MACROD2: variants seen among roughly 807,000 people sequenced by gnomAD.
MACROD2 encodes ADP-ribose glycohydrolase MACROD2.
A neutral mutation model predicts 70.4 loss-of-function variants in MACROD2; 36 were observed. The observed-to-expected ratio is 0.51, with a 90% CI of 0.39 to 0.68. MACROD2 has a LOEUF of 0.68. Ranked by LOEUF, MACROD2 falls within the 30% of genes least tolerant of loss-of-function variation. MACROD2 has a pLI of 0.00. For synonymous variants in MACROD2, 172 were observed against 178.8 expected, an observed-to-expected ratio of 0.96 and a Z score of 0.30; for missense variants, 496 against 538.4, an observed-to-expected ratio of 0.92 and a Z score of 0.78.
chr20:15,894,007 T>G, intron 10 of MACROD2: 1 of 441,446 alleles, frequency 2.3e-6, no homozygotes, highest in Non-Finnish European at 4.5e-6. Context: ...GGTCTCGCTT[T>G]CCCATGCTCA....
intron 11 of MACROD2, among the ~76,000 whole-genome samples, chr20:15,936,997 C>T (rs890384261): frequency 1.3e-5 from 2 of 152,122 alleles, no homozygotes; most frequent in Non-Finnish European, 2.9e-5. Context: ...TCTTCCAGGC[C>T]TCTGTGCTGA....
At chr20:15,732,853 A>G (rs1199313799) in intron 8 of MACROD2, among the ~76,000 whole-genome samples, 1 of 151,694 alleles carries the variant, frequency 6.6e-6, no homozygotes, top group Non-Finnish European at 1.5e-5. Context: ...TCTGAAAGAG[A>G]TTGTAGACAA....
intron 3 of MACROD2, among the ~76,000 whole-genome samples, chr20:14,103,097 T>G (rs183535238): frequency 6.6e-6 from 1 of 151,808 alleles, no homozygotes; most frequent in South Asian, 2.1e-4. Flanking sequence ...TGATCTATAT[T>G]TTTTTTTTCT....
chr20:14,371,076 G>A (rs1348468671), intron 3 of MACROD2, among the ~76,000 whole-genome samples: 2 of 151,734 alleles, frequency 1.3e-5, no homozygotes, highest in Non-Finnish European at 2.9e-5. Flanking sequence ...TCCCTTTTAT[G>A]CCTTGTATTA....
chr20:15,774,323 C>T (rs962521328), intron 8 of MACROD2, among the ~76,000 whole-genome samples: 9 of 152,146 alleles, frequency 5.9e-5, no homozygotes, highest in African/African-American at 1.7e-4. Flanking sequence ...AAAATGCTCC[C>T]CTGTAGTGGG....
intron 5 of MACROD2, among the ~76,000 whole-genome samples, chr20:14,985,474 T>C (rs550784989): frequency 2.4e-4 from 36 of 152,132 alleles, no homozygotes; most frequent in Non-Finnish European, 4.9e-4. Context: ...GTGGGGTGTG[T>C]AGAGGAAGCT....
At chr20:14,093,834 G>A (rs1601215398) in intron 3 of MACROD2, among the ~76,000 whole-genome samples, 1 of 152,104 alleles carries the variant, frequency 6.6e-6, no homozygotes, top group African/African-American at 2.4e-5. Context: ...AGGTGCCATG[G>A]GCAAATAGAG....
intron 8 of MACROD2, among the ~76,000 whole-genome samples, chr20:15,663,232 A>ATTTTTTTTTTTTTTTTTTTTTTTTTTT (rs34234600): frequency 7.7e-6 from 1 of 129,834 alleles, no homozygotes; most frequent in Non-Finnish European, 1.6e-5. Context: ...TCAGAATTTG[A>ATTTTTTTTTTTTTTTTTTTTTTTTTTT]TTTTTTTTTT....
chr20:15,937,620 T>G (rs1478909096), intron 12 of MACROD2, 76 bp downstream of exon 12: 6 of 1,374,340 alleles, frequency 4.4e-6, no homozygotes, highest in Non-Finnish European at 6.2e-6. Context: ...CATGGAAAAA[T>G]GAAGCAGCAA....
intron 5 of MACROD2, among the ~76,000 whole-genome samples, chr20:15,000,627 C>A (rs1011769134): frequency 6.4e-5 from 1 of 15,572 alleles, no homozygotes; most frequent in Non-Finnish European, 1.0e-4. Context: ...GAGACTCCGT[C>A]TCAAAAAAAA....
At chr20:15,773,138 C>T (rs1249321562) in intron 8 of MACROD2, among the ~76,000 whole-genome samples, 1 of 152,088 alleles carries the variant, frequency 6.6e-6, no homozygotes, top group Non-Finnish European at 1.5e-5. Flanking sequence ...TACTTTGTTT[C>T]ATCTGCTCTT....
intron 3 of MACROD2, among the ~76,000 whole-genome samples, chr20:14,465,481 C>G (rs1300159171): frequency 6.6e-6 from 1 of 151,592 alleles, no homozygotes; most frequent in East Asian, 1.9e-4. Flanking sequence ...GGTCTTGACT[C>G]TATCCAATTT....
chr20:14,808,271 G>T (rs1357954839), intron 5 of MACROD2, among the ~76,000 whole-genome samples: 2 of 152,198 alleles, frequency 1.3e-5, no homozygotes, highest in African/African-American at 4.8e-5. Flanking sequence ...GAGAGTGGGG[G>T]TTGATATTCA....
intron 5 of MACROD2, among the ~76,000 whole-genome samples, chr20:15,117,891 C>T (rs977387615): frequency 1.3e-5 from 2 of 152,104 alleles, no homozygotes; most frequent in African/African-American, 4.8e-5. Flanking sequence ...TCTTATTTAG[C>T]CCCAGAACCA....
At chr20:14,607,031 C>A (rs1187033525) in intron 4 of MACROD2, among the ~76,000 whole-genome samples, 2 of 152,136 alleles carry the variant, frequency 1.3e-5, no homozygotes, top group Non-Finnish European at 2.9e-5. Context: ...CACATAGCAT[C>A]AGTGTTTGCA....
chr20:14,137,928 C>G (rs1041280900), intron 3 of MACROD2, among the ~76,000 whole-genome samples: 1 of 152,032 alleles, frequency 6.6e-6, no homozygotes, highest in Admixed American at 6.6e-5. Context: ...TCAGTAAAAA[C>G]AAAACACCAA....
intron 3 of MACROD2, among the ~76,000 whole-genome samples, chr20:14,426,854 A>C (rs573254212): frequency 6.6e-6 from 1 of 152,168 alleles, no homozygotes; most frequent in East Asian, 1.9e-4. Flanking sequence ...ACTGTTAACT[A>C]TGCAGAGACC....
At chr20:14,411,759 C>A (rs1430009734) in intron 3 of MACROD2, among the ~76,000 whole-genome samples, 1 of 152,070 alleles carries the variant, frequency 6.6e-6, no homozygotes, top group Non-Finnish European at 1.5e-5. Context: ...CAGCACCTCC[C>A]TGTGTGTCTG....
intron 3 of MACROD2, among the ~76,000 whole-genome samples, chr20:14,257,909 C>T (rs1008253027): frequency 1.9e-4 from 29 of 152,122 alleles, no homozygotes; most frequent in African/African-American, 7.0e-4. Flanking sequence ...CCCAGCATCC[C>T]CAAAGTCTGT....
Sources: gnomAD v4.1 joint callset for allele counts (sites outside exome capture counted in the v4.1 genomes callset) on GRCh38, gnomAD v4.1.1 for gene constraint, MANE v1.5 for transcripts, NCBI Gene and HGNC (gene_info 2026-07-23, HGNC 2026-07-21) for gene names.